PTPRK: variants seen among roughly 807,000 people sequenced by gnomAD.
PTPRK encodes the protein protein tyrosine phosphatase receptor type K, also known as receptor-type tyrosine-protein phosphatase kappa.
Under a neutral mutation model 178.0 loss-of-function variants are expected in PTPRK, and 75 were observed. The observed-to-expected ratio is 0.42, with a 90% CI of 0.35 to 0.51. PTPRK has a LOEUF of 0.51. PTPRK is among the 20% of genes least tolerant of loss of function. PTPRK has a pLI of 0.02. For missense variants in PTPRK, 1,441 were observed against 1,797.8 expected (o/e 0.80, Z 3.59); for synonymous variants, 637 against 620.6 (o/e 1.03, Z -0.39).
At chr6:128,151,553 GTTAT>G (rs1423613873) in intron 7 of PTPRK, among the ~76,000 whole-genome samples, 4 of 151,534 alleles carry the variant, frequency 2.6e-5, no homozygotes, top group Admixed American at 1.3e-4. Context: ...AGATCAGATA[GTTAT>G]TTAAAAAAAA....
intron 19 of PTPRK, among the ~76,000 whole-genome samples, chr6:127,991,943 A>G (rs3903663): frequency 0.22 from 32,809 of 151,704 alleles, 4,506 homozygotes; most frequent in Admixed American, 0.3. Flanking sequence ...CTAACTTTAA[A>G]GAGTACACAA....
chr6:127,983,173 G>C, intron 23 of PTPRK, 69 bp downstream of exon 23: 1 of 1,381,918 alleles, frequency 7.2e-7, no homozygotes, highest in Admixed American at 2.6e-5. Flanking sequence ...ATATATGAGA[G>C]ACATCTACTC....
intron 13 of PTPRK, among the ~76,000 whole-genome samples, chr6:128,010,635 G>A (rs761754408): frequency 7.9e-5 from 12 of 151,198 alleles, no homozygotes; most frequent in Non-Finnish European, 1.5e-4. Context: ...TATATCTAAT[G>A]TAAATATCAT....
chr6:128,299,787 A>AAT (rs1825236166), intron 3 of PTPRK, among the ~76,000 whole-genome samples: 1 of 152,196 alleles, frequency 6.6e-6, no homozygotes, highest in Non-Finnish European at 1.5e-5. Context: ...AAACCTAGGC[A>AAT]TTACCATTCA....
At chr6:128,178,531 TATAAC>T (rs1160801890) in intron 7 of PTPRK, among the ~76,000 whole-genome samples, 5 of 152,074 alleles carry the variant, frequency 3.3e-5, no homozygotes, top group South Asian at 2.1e-4. Context: ...GTTATTCACT[TATAAC>T]ATATCTTTAA....
intron 1 of PTPRK, among the ~76,000 whole-genome samples, chr6:128,415,587 G>A (rs1842760340): frequency 6.6e-6 from 1 of 151,704 alleles, no homozygotes; most frequent in Admixed American, 6.6e-5. Flanking sequence ...ATGTCCATTT[G>A]TTAAGTTCTC....
intron 13 of PTPRK, among the ~76,000 whole-genome samples, chr6:128,046,677 T>A (rs1296481538): frequency 6.6e-6 from 1 of 152,168 alleles, no homozygotes; most frequent in Non-Finnish European, 1.5e-5. Context: ...CCCATTTAAA[T>A]ATAGATTTTT....
At chr6:128,293,178 C>T (rs1485094839) in intron 3 of PTPRK, among the ~76,000 whole-genome samples, 1 of 152,004 alleles carries the variant, frequency 6.6e-6, no homozygotes, top group African/African-American at 2.4e-5. Flanking sequence ...TCATAGTTCA[C>T]TTTATGCTGC....
At chr6:127,997,086 A>C in intron 16 of PTPRK, 98 bp from the exon 17 acceptor site, 5 of 1,246,648 alleles carry the variant, frequency 4.0e-6, no homozygotes, top group Non-Finnish European at 5.7e-6. Context: ...CCACTTTCTC[A>C]GAGAGGAAAG....
chr6:128,431,299 G>C (rs770317281), intron 1 of PTPRK, among the ~76,000 whole-genome samples: 1 of 151,796 alleles, frequency 6.6e-6, no homozygotes, highest in Non-Finnish European at 1.5e-5. Flanking sequence ...TGTTTTCCAG[G>C]GTTCTTCATA....
At chr6:128,174,587 G>T (rs954010397) in intron 7 of PTPRK, among the ~76,000 whole-genome samples, 1 of 151,756 alleles carries the variant, frequency 6.6e-6, no homozygotes, top group Non-Finnish European at 1.5e-5. Flanking sequence ...ACAACCAGCT[G>T]GCAAAATTCC....
chr6:128,099,892 T>C (rs1198147213), intron 7 of PTPRK, among the ~76,000 whole-genome samples: 2 of 152,042 alleles, frequency 1.3e-5, no homozygotes. Context: ...TGATTATAAA[T>C]TTTATTGATT....
chr6:128,428,152 A>G (rs994262798), intron 1 of PTPRK, among the ~76,000 whole-genome samples: 1 of 152,162 alleles, frequency 6.6e-6, no homozygotes. Context: ...ATGAGAAATC[A>G]TATGAGAATC....
chr6:128,002,564 GT>G (rs1777958706), intron 15 of PTPRK, among the ~76,000 whole-genome samples: 1 of 151,820 alleles, frequency 6.6e-6, no homozygotes, highest in Non-Finnish European at 1.5e-5. Context: ...CTGTAAAAGC[GT>G]TAATTGTCAT....
chr6:128,348,278 A>C (rs113768952), intron 2 of PTPRK, among the ~76,000 whole-genome samples: 2 of 152,000 alleles, frequency 1.3e-5, no homozygotes, highest in Non-Finnish European at 2.9e-5. Context: ...AAAGACCCAA[A>C]ATGTAAAATT....
intron 1 of PTPRK, among the ~76,000 whole-genome samples, chr6:128,467,792 T>TTAAAATTC (rs1432932005): frequency 1.3e-5 from 2 of 149,974 alleles, no homozygotes; most frequent in Non-Finnish European, 1.5e-5. Context: ...ATTAATCCTC[T>TTAAAATTC]CATTGGCCAT....
chr6:128,126,040 C>CT (rs1397232652), intron 7 of PTPRK, among the ~76,000 whole-genome samples: 3 of 151,344 alleles, frequency 2.0e-5, no homozygotes, highest in Admixed American at 6.6e-5. Flanking sequence ...TAGCTAATTT[C>CT]TTTTTTTGCT....
Position 128,431,206 on chromosome 6 carries a change from G to A in PTPRK, c.101-33518C>T, listed in dbSNP as rs185338309. Among the ~76,000 whole-genome samples, 835 of 151,908 alleles carry A rather than the reference G, an allele frequency of 5.5e-3. 7 individuals carry two copies. The highest frequency in any genetic ancestry group is 6.9e-3 in the Non-Finnish European group (466 of 67,934). ...GCCCACCTCGGCTTCCTAAAGTGCTGGAATTACAAGCATGAGCCATCGTGC... is the reference window on the plus strand; with the variant it reads ...GCCCACCTCGGCTTCCTAAAGTGCTAGAATTACAAGCATGAGCCATCGTGC... On this transcript the variant is annotated intron_variant, in intron 1 of 29. Coordinates refer to ENST00000368226, the MANE Select transcript of PTPRK (RefSeq NM_002844.4).
intron 11 of PTPRK, among the ~76,000 whole-genome samples, chr6:128,076,882 T>G (rs1318952172): frequency 1.3e-5 from 2 of 152,070 alleles, no homozygotes; most frequent in African/African-American, 4.8e-5. Context: ...TGGGCAAAGA[T>G]TCTGTGTTTT....
Sources: allele counts gnomAD v4.1 joint callset (sites outside exome capture counted in the v4.1 genomes callset), GRCh38; gene constraint gnomAD v4.1.1; transcripts MANE v1.5; gene names NCBI Gene and HGNC (gene_info 2026-07-23, HGNC 2026-07-21).